Variants in TGM2 observed in about 807,000 individuals in gnomAD.
TGM2 encodes protein-glutamine gamma-glutamyltransferase 2.
In TGM2, 53 loss-of-function variants were observed where a neutral mutation model predicts 75.6. The ratio of observed to expected loss-of-function variants is 0.70; its 90% CI spans 0.56 to 0.88. TGM2 has a LOEUF of 0.88. Ranked by LOEUF, TGM2 falls within the 40% of genes least tolerant of loss-of-function variation. The pLI, the probability that TGM2 is intolerant of heterozygous loss-of-function variation, is 0.00. For missense variants in TGM2, 842 were observed against 928.5 expected, an observed-to-expected ratio of 0.91 and a Z score of 1.21; for synonymous variants, 374 against 381.1, an observed-to-expected ratio of 0.98 and a Z score of 0.22.
chr20:38,167,931 G>A (rs1187268071), upstream of TGM2, among the ~76,000 whole-genome samples: 1 of 152,162 alleles, frequency 6.6e-6, no homozygotes, highest in Non-Finnish European at 1.5e-5. Flanking sequence ...TTGTAAAATG[G>A]GGGCAGTATT....
rs45475698 is a variant in TGM2, at chr20:38,155,819, C to T, written c.433+28G>A. ...GCGGATCCAGCCCTGCCCACCCCAA[C>T]GCTGTGAGTGGATGGCGTGTGGCTC... On this transcript the variant is annotated intron_variant, in intron 3 of 12. Coordinates refer to ENST00000361475, the MANE Select transcript of TGM2 (RefSeq NM_004613.4). 2,451 of 1,586,332 alleles carry T rather than the reference C, an allele frequency of 1.5e-3. 35 individuals carry two copies. In the African/African-American group the frequency reaches 0.025, roughly 16 times the overall value.
intron 6 of TGM2, among the ~76,000 whole-genome samples, chr20:38,143,913 A>G (rs535413059): frequency 1.3e-5 from 2 of 152,060 alleles, no homozygotes; most frequent in Non-Finnish European, 1.5e-5. Context: ...CTGCCAGGAG[A>G]TTTGTAGGAG....
At chr20:38,159,360 G>T (rs1000920304) in intron 2 of TGM2, among the ~76,000 whole-genome samples, 1 of 152,128 alleles carries the variant, frequency 6.6e-6, no homozygotes, top group African/African-American at 2.4e-5. Flanking sequence ...CCTCCTTGAG[G>T]GTGGAGGGTG....
intron 10 of TGM2, among the ~76,000 whole-genome samples, chr20:38,136,383 C>G (rs2074900867): frequency 1.3e-5 from 2 of 152,166 alleles, no homozygotes; most frequent in South Asian, 4.1e-4. Context: ...CCGGGGAAAA[C>G]AGACGGGGAA....
At chr20:38,159,247 G>A (rs760467356) in intron 2 of TGM2, among the ~76,000 whole-genome samples, 2 of 152,108 alleles carry the variant, frequency 1.3e-5, no homozygotes, top group Non-Finnish European at 1.5e-5. Flanking sequence ...CTCAGCGAAC[G>A]AACGCAGGAG....
Position 38,140,798 on chromosome 20 carries a change from C to T in TGM2, c.1099+484G>A, listed in dbSNP as rs182770980. On this transcript the variant is annotated intron_variant, in intron 8 of 12. Coordinates refer to ENST00000361475, the MANE Select transcript of TGM2 (RefSeq NM_004613.4). ...TTAATGTAATTGGTTTTCTTTGTAA[C>T]GCTATGTATTATATTTTATACATTT... Among the ~76,000 whole-genome samples the T allele has an allele frequency of 9.9e-5, 15 of 152,270 alleles. No individual in the cohort carries two copies. The East Asian group carries it at 1.2e-3, about 12-fold the overall frequency.
Position 38,131,241 on chromosome 20 carries a change from C to T in TGM2, c.1777-12G>A, listed in dbSNP as rs1197474806. 3 of 1,613,402 alleles carry T rather than the reference C, an allele frequency of 1.9e-6. No individual in the cohort carries two copies. The highest frequency in any genetic ancestry group is 2.5e-6 in the Non-Finnish European group (3 of 1,180,012). Reference sequence around the variant, plus strand: ...GGCTCCCCAAGGATCTGGAAGAGGGCATGGGGCAGATGTCAAGGGCAGGTG... The same window carrying T: ...GGCTCCCCAAGGATCTGGAAGAGGGTATGGGGCAGATGTCAAGGGCAGGTG... On this transcript the variant is annotated splice_polypyrimidine_tract_variant and intron_variant, in intron 11 of 12. Coordinates refer to ENST00000361475, the MANE Select transcript of TGM2 (RefSeq NM_004613.4).
intron 2 of TGM2, among the ~76,000 whole-genome samples, chr20:38,160,586 A>C (rs556565661): frequency 3.3e-5 from 5 of 152,360 alleles, no homozygotes; most frequent in Admixed American, 1.3e-4. Context: ...GCAGGTAGGC[A>C]GCCCAGCCTG....
At chr20:38,144,927 G>A (rs2075026312) in intron 6 of TGM2, among the ~76,000 whole-genome samples, 1 of 152,232 alleles carries the variant, frequency 6.6e-6, no homozygotes, top group African/African-American at 2.4e-5. Flanking sequence ...TCAATCTTCA[G>A]GCGGCCACAG....
intron 3 of TGM2, among the ~76,000 whole-genome samples, chr20:38,154,258 A>G (rs999944532): frequency 2.6e-5 from 4 of 152,228 alleles, no homozygotes; most frequent in African/African-American, 7.2e-5. Flanking sequence ...CTCAAAATAG[A>G]GAAGAAAAAA....
chr20:38,132,233 G>A, intron 11 of TGM2, 107 bp downstream of exon 11: 2 of 1,327,708 alleles, frequency 1.5e-6, no homozygotes, highest in Non-Finnish European at 2.2e-6. Flanking sequence ...GGCACCAAAG[G>A]TCTGGAGCTT....
chr20:38,137,938 T>C (rs2074919782), intron 10 of TGM2, 175 bp downstream of exon 10: 4 of 1,398,630 alleles, frequency 2.9e-6, no homozygotes, highest in Non-Finnish European at 2.8e-6. Flanking sequence ...CCCTCACTCT[T>C]GCAATAAGAA....
At chr20:38,155,368 G>T (rs1208324225) in intron 3 of TGM2, among the ~76,000 whole-genome samples, 1 of 152,056 alleles carries the variant, frequency 6.6e-6, no homozygotes, top group African/African-American at 2.4e-5. Context: ...TAGAGACAGG[G>T]TCTCACCCTG....
At chr20:38,155,505 C>G (rs2075172941) in intron 3 of TGM2, among the ~76,000 whole-genome samples, 1 of 152,124 alleles carries the variant, frequency 6.6e-6, no homozygotes, top group Non-Finnish European at 1.5e-5. Flanking sequence ...CCACACCCAG[C>G]TACTGTTAAA....
At position 38,128,699 on chromosome 20, in the gene TGM2, A is replaced by T. The variant is rs1049717394; in HGVS notation, c.*1520T>A. On this transcript the variant is annotated 3_prime_UTR_variant, in exon 13 of 13. Coordinates refer to ENST00000361475, the MANE Select transcript of TGM2 (RefSeq NM_004613.4). The stretch of plus-strand genomic sequence containing the variant: ...TTCCCTGGGATTTGGGGGGCCCTGG[A>T]GGCTGTGATCTCACCTCCAATAGAG... The T allele has an allele frequency of 6.6e-6, 1 of 152,196 alleles. No homozygotes were observed. The highest frequency in any genetic ancestry group is 1.5e-5 in the Non-Finnish European group (1 of 68,034). The allele number at this position is 152,196 out of a possible 1,614,324, so 9.4% of individuals were successfully genotyped here.
Position 38,138,229 on chromosome 20 carries a change from G to T in TGM2, c.1499C>A (p.Ala500Asp). The change falls in exon 10 of 13, where the codon GCT becomes GAT. Residue 500 changes from alanine to aspartate, a missense_variant. Physicochemically the swap from Ala to Asp is moderately radical, Grantham distance 126 (BLOSUM62 -2). Transcript: ENST00000361475. ...DVFAHITNNT[A>D]EEYVCRLLLC... ...CAGGAGGCGGCAGACGTACTCCTCA[G>T]CGGTGTTGTTGGTGATGTGGGCAAA... 6.2e-7 allele frequency: 1 copy of T among 1,612,944 alleles called. No individual in the cohort carries two copies. The highest frequency in any genetic ancestry group is 8.5e-7 in the Non-Finnish European group (1 of 1,179,488).
intron 6 of TGM2, among the ~76,000 whole-genome samples, chr20:38,144,953 A>G (rs17789815): frequency 0.18 from 26,787 of 152,168 alleles, 2,863 homozygotes; most frequent in African/African-American, 0.29. Flanking sequence ...GGTGACCAGG[A>G]TGACCAGGGT....
chr20:38,167,772 G>T (rs1307896292), upstream of TGM2, among the ~76,000 whole-genome samples: 1 of 152,130 alleles, frequency 6.6e-6, no homozygotes, highest in Non-Finnish European at 1.5e-5. Context: ...TCTGAACATT[G>T]TTATTCCCTC....
At chr20:38,139,732 T>A in intron 8 of TGM2, 78 bp from the exon 9 acceptor site, 2 of 1,584,892 alleles carry the variant, frequency 1.3e-6, no homozygotes, top group South Asian at 1.1e-5. Flanking sequence ...CACAATTCAA[T>A]CACATGTAGC....
Sources: allele counts gnomAD v4.1 joint callset (sites outside exome capture counted in the v4.1 genomes callset), GRCh38; gene constraint gnomAD v4.1.1; transcripts MANE v1.5; gene names NCBI Gene and HGNC (gene_info 2026-07-23, HGNC 2026-07-21).